ZMIZ1: variants seen among roughly 807,000 people sequenced by gnomAD.
ZMIZ1 encodes zinc finger MIZ-type containing 1.
Under a neutral mutation model 113.9 loss-of-function variants are expected in ZMIZ1, and 17 were observed. The observed-to-expected ratio is 0.15, with a 90% CI of 0.10 to 0.22. The LOEUF (loss-of-function observed/expected upper bound fraction) is 0.22. Among genes scored for constraint, ZMIZ1 ranks in the 10% least tolerant of loss-of-function variants. ZMIZ1 has a pLI of 1.00. For missense variants in ZMIZ1, 1,059 were observed against 1,477.8 expected (o/e 0.72, Z 4.65); for synonymous variants, 607 against 603.1 (o/e 1.01, Z -0.09).
intron 7 of ZMIZ1, among the ~76,000 whole-genome samples, chr10:79,263,079 C>T (rs1286397281): frequency 6.6e-6 from 1 of 152,254 alleles, no homozygotes; most frequent in Non-Finnish European, 1.5e-5. Context: ...AGGTTGTCAT[C>T]TCCCATAGCA....
At chr10:79,201,237 G>A (rs1848065843) in intron 4 of ZMIZ1, among the ~76,000 whole-genome samples, 1 of 152,196 alleles carries the variant, frequency 6.6e-6, no homozygotes, top group Non-Finnish European at 1.5e-5. Flanking sequence ...GAACCTGGGA[G>A]GCAGAGGTTG....
intron 3 of ZMIZ1, among the ~76,000 whole-genome samples, chr10:79,158,014 C>T (rs985975950): frequency 2.0e-5 from 3 of 152,188 alleles, no homozygotes; most frequent in Non-Finnish European, 2.9e-5. Flanking sequence ...GCCAGCTTGG[C>T]CAGGGGAGCG....
At chr10:79,240,338 G>C (rs1260367430) in intron 7 of ZMIZ1, among the ~76,000 whole-genome samples, 1 of 152,218 alleles carries the variant, frequency 6.6e-6, no homozygotes, top group Non-Finnish European at 1.5e-5. Flanking sequence ...AGGGGGTGGA[G>C]CGGGCTGCTT....
intron 1 of ZMIZ1, among the ~76,000 whole-genome samples, chr10:79,078,112 C>T (rs1206884559): frequency 6.6e-6 from 1 of 152,228 alleles, no homozygotes; most frequent in Non-Finnish European, 1.5e-5. Flanking sequence ...ACTAGGGCAG[C>T]TTGTTCCCCT....
At chr10:79,276,302 C>T (rs896502593) in intron 7 of ZMIZ1, among the ~76,000 whole-genome samples, 1 of 152,228 alleles carries the variant, frequency 6.6e-6, no homozygotes, top group African/African-American at 2.4e-5. Context: ...GACAGGCCAG[C>T]TGAGACACGA....
chr10:79,242,633 C>A (rs2132839680), intron 7 of ZMIZ1, among the ~76,000 whole-genome samples: 1 of 149,698 alleles, frequency 6.7e-6, no homozygotes, highest in South Asian at 2.1e-4. Flanking sequence ...CCCTCATTAG[C>A]ATGCCCACTT....
At chr10:79,127,657 G>C (rs1844577612) in intron 2 of ZMIZ1, among the ~76,000 whole-genome samples, 1 of 152,146 alleles carries the variant, frequency 6.6e-6, no homozygotes, top group South Asian at 2.1e-4. Context: ...ACACGGCCCA[G>C]CCAGGACTCC....
At chr10:79,265,310 G>T (rs1851530157) in intron 7 of ZMIZ1, among the ~76,000 whole-genome samples, 1 of 152,086 alleles carries the variant, frequency 6.6e-6, no homozygotes, top group Non-Finnish European at 1.5e-5. Flanking sequence ...TGGGCCGGGA[G>T]CCTGCTTGCA....
At chr10:79,203,497 C>T (rs1278567663) in intron 5 of ZMIZ1, among the ~76,000 whole-genome samples, 1 of 152,152 alleles carries the variant, frequency 6.6e-6, no homozygotes, top group Non-Finnish European at 1.5e-5. Context: ...CCTTTCACTC[C>T]GTTTCTCCCA....
At chr10:79,146,940 G>A (rs532364213) in intron 3 of ZMIZ1, among the ~76,000 whole-genome samples, 18 of 80,566 alleles carry the variant, frequency 2.2e-4, no homozygotes, top group African/African-American at 9.6e-4. Context: ...CGTGTGTGTA[G>A]TGTACGTGTG....
chr10:79,113,403 C>A (rs1054991785), intron 1 of ZMIZ1, among the ~76,000 whole-genome samples: 2 of 152,196 alleles, frequency 1.3e-5, no homozygotes, highest in African/African-American at 4.8e-5. Flanking sequence ...GGAGGTGCTG[C>A]TGCCCGGGCA....
chr10:79,112,835 T>A (rs1843804420), intron 1 of ZMIZ1, among the ~76,000 whole-genome samples: 1 of 152,202 alleles, frequency 6.6e-6, no homozygotes, highest in Non-Finnish European at 1.5e-5. Flanking sequence ...TTTAATTTCT[T>A]CTGATTATTT....
chr10:79,166,555 T>G (rs1846356754), intron 4 of ZMIZ1, among the ~76,000 whole-genome samples: 1 of 152,200 alleles, frequency 6.6e-6, no homozygotes, highest in South Asian at 2.1e-4. Flanking sequence ...CCTGGGCATG[T>G]GGGTTGCTGG....
intron 2 of ZMIZ1, among the ~76,000 whole-genome samples, chr10:79,119,270 C>T (rs139624379): frequency 6.6e-5 from 10 of 152,312 alleles, no homozygotes; most frequent in African/African-American, 2.4e-4. Context: ...TGCCAACTCC[C>T]AGTATCGCCT....
rs987476685 is a variant in ZMIZ1 at position 79,139,068 on chromosome 10, A to G, written c.-226-614A>G. Among the ~76,000 whole-genome samples the G allele has an allele frequency of 3.9e-5, 6 of 152,292 alleles. No homozygotes were observed. The East Asian group carries it at 1.2e-3, about 29-fold the overall frequency. ...TGCATCTGGGCCTCCTCTCCCAGTTATAAGCAAAACAGCCAGCCCTGAACC... is the reference window on the plus strand; with the variant it reads ...TGCATCTGGGCCTCCTCTCCCAGTTGTAAGCAAAACAGCCAGCCCTGAACC... On this transcript the variant is annotated intron_variant, in intron 2 of 24. Transcript: ENST00000334512.
chr10:79,174,356 T>A (rs1212537071), intron 4 of ZMIZ1, among the ~76,000 whole-genome samples: 2 of 152,074 alleles, frequency 1.3e-5, no homozygotes, highest in Non-Finnish European at 2.9e-5. Flanking sequence ...GGCACGCCAA[T>A]CCCTGGACTC....
chr10:79,227,141 C>T lies in ZMIZ1; in HGVS notation c.280+10867C>T, dbSNP rs1221385557. Among the ~76,000 whole-genome samples, 8 of 152,202 alleles carry T rather than the reference C, an allele frequency of 5.3e-5. No individual in the cohort carries two copies. The South Asian group carries it at 1.2e-3, about 24-fold the overall frequency. On this transcript the variant is annotated intron_variant, in intron 7 of 24. Transcript: ENST00000334512. ...TTCAACCCCAAAGCCACCAGCTGCC[C>T]CTGCTTTCTATGAACAGGTTAAAAT... is the stretch of plus-strand genomic sequence containing the variant.
At chr10:79,179,529 T>C (rs531663765) in intron 4 of ZMIZ1, among the ~76,000 whole-genome samples, 1 of 152,376 alleles carries the variant, frequency 6.6e-6, no homozygotes, top group South Asian at 2.1e-4. Context: ...GCCATCTAGC[T>C]GGCACTGCCC....
intron 24 of ZMIZ1, among the ~76,000 whole-genome samples, chr10:79,311,730 G>T (rs1251257227): frequency 6.6e-6 from 1 of 152,112 alleles, no homozygotes; most frequent in African/African-American, 2.4e-5. Context: ...GGGGCAGCAG[G>T]CCATCATGGG....
Sources: allele counts gnomAD v4.1 joint callset (sites outside exome capture counted in the v4.1 genomes callset), GRCh38; gene constraint gnomAD v4.1.1; transcripts MANE v1.5; gene names NCBI Gene and HGNC (gene_info 2026-07-23, HGNC 2026-07-21).